Variants in UNC79 observed in about 807,000 individuals in gnomAD.
UNC79 encodes unc-79 subunit of NALCN channel complex.
Under a neutral mutation model 283.1 loss-of-function variants are expected in UNC79, and 37 were observed. The observed-to-expected ratio is 0.13, with a 90% CI of 0.10 to 0.17. UNC79 has a LOEUF of 0.17. Ranked by LOEUF, UNC79 falls within the 10% of genes least tolerant of loss-of-function variation. The pLI, the probability that UNC79 is intolerant of heterozygous loss-of-function variation, is 1.00. For missense variants in UNC79, 2,272 were observed against 3,211.1 expected, an observed-to-expected ratio of 0.71 and a Z score of 7.07; for synonymous variants, 1,107 against 1,200.2, an observed-to-expected ratio of 0.92 and a Z score of 1.61.
chr14:93,379,748 G>A (rs1290565810), intron 1 of UNC79, among the ~76,000 whole-genome samples: 1 of 151,928 alleles, frequency 6.6e-6, no homozygotes, highest in East Asian at 1.9e-4. Flanking sequence ...ACTACACATT[G>A]GGTACAGTGT....
intron 1 of UNC79, chr14:93,347,952 T>A (rs2053899035): frequency 9.2e-6 from 8 of 871,548 alleles, no homozygotes; most frequent in East Asian, 4.9e-5. Context: ...ATGTTTTTTT[T>A]AAGCACTTTT....
intron 20 of UNC79, among the ~76,000 whole-genome samples, chr14:93,583,080 G>A (rs964061674): frequency 1.8e-4 from 27 of 152,072 alleles, no homozygotes; most frequent in Non-Finnish European, 3.8e-4. Flanking sequence ...CCAGTACTTT[G>A]GGAGGCCAAG....
At chr14:93,337,260 G>T (rs953857247) in intron 1 of UNC79, among the ~76,000 whole-genome samples, 1 of 152,240 alleles carries the variant, frequency 6.6e-6, no homozygotes, top group African/African-American at 2.4e-5. Flanking sequence ...TAGAGTCTAC[G>T]CACTTTGGGT....
chr14:93,334,938 G>A (rs930097671), intron 1 of UNC79: 2 of 152,184 alleles, frequency 1.3e-5, no homozygotes, highest in East Asian at 3.8e-4. Context: ...TTATGGAAAT[G>A]TTAAATAAGA....
intron 14 of UNC79, among the ~76,000 whole-genome samples, chr14:93,546,059 C>CA: frequency 1.3e-5 from 2 of 151,910 alleles, no homozygotes; most frequent in East Asian, 3.9e-4. Flanking sequence ...GTCAGACATG[C>CA]AAAAAAACAT....
chr14:93,614,675 A>G (rs190647703), intron 27 of UNC79, among the ~76,000 whole-genome samples: 1 of 150,626 alleles, frequency 6.6e-6, no homozygotes. Flanking sequence ...TTTTGGCTTC[A>G]GGTGGAGAGA....
intron 7 of UNC79, among the ~76,000 whole-genome samples, chr14:93,522,035 A>G (rs1487455229): frequency 6.6e-6 from 1 of 151,834 alleles, no homozygotes; most frequent in Non-Finnish European, 1.5e-5. Context: ...ATGAACTTAA[A>G]TTGATTATCT....
At chr14:93,624,229 C>G (rs2067366741) in intron 30 of UNC79, among the ~76,000 whole-genome samples, 1 of 152,176 alleles carries the variant, frequency 6.6e-6, no homozygotes, top group Non-Finnish European at 1.5e-5. Context: ...TAGGACAGAG[C>G]TGTCTACCTC....
chr14:93,587,888 A>G (rs2064333575), intron 22 of UNC79, among the ~76,000 whole-genome samples: 1 of 152,176 alleles, frequency 6.6e-6, no homozygotes. Context: ...ATGATGAATG[A>G]TGAAAGGCTC....
intron 1 of UNC79, among the ~76,000 whole-genome samples, chr14:93,366,518 T>C (rs772007209): frequency 5.9e-5 from 9 of 152,070 alleles, no homozygotes; most frequent in Non-Finnish European, 1.3e-4. Flanking sequence ...ACTTAATCCA[T>C]GTGTTTCCAT....
At chr14:93,435,646 A>G (rs1595474595) in intron 1 of UNC79, among the ~76,000 whole-genome samples, 1 of 152,166 alleles carries the variant, frequency 6.6e-6, no homozygotes, top group African/African-American at 2.4e-5. Flanking sequence ...TTCTTTTTAG[A>G]TCAGTCATTT....
At chr14:93,614,135 T>A (rs2066510676) in intron 27 of UNC79, among the ~76,000 whole-genome samples, 1 of 152,038 alleles carries the variant, frequency 6.6e-6, no homozygotes, top group Non-Finnish European at 1.5e-5. Flanking sequence ...CAATTTGCCA[T>A]TTTAACAGTT....
chr14:93,500,589 A>G (rs555027624), intron 7 of UNC79, among the ~76,000 whole-genome samples: 1 of 152,346 alleles, frequency 6.6e-6, no homozygotes, highest in Non-Finnish European at 1.5e-5. Flanking sequence ...AAGACAATCT[A>G]TGGACCAGGC....
At position 93,468,266 on chromosome 14, in the gene UNC79, G is replaced by A. The variant is rs535442090; in HGVS notation, c.143+475G>A. On this transcript the variant is annotated intron_variant, in intron 2 of 48. Coordinates refer to ENST00000555664, the Ensembl canonical transcript of UNC79. ...TCACATGTTCAACATGCTTTGCCTT[G>A]ATAATGAAATTCTATGAAGGACAAG... Among the ~76,000 whole-genome samples, 159 of 152,164 alleles carry A rather than the reference G, an allele frequency of 1.0e-3. 1 individual carries two copies. Among genetic ancestry groups the A allele is most frequent in the African/African-American group, 3.6e-3 (150 of 41,482 alleles).
intron 1 of UNC79, among the ~76,000 whole-genome samples, chr14:93,351,787 G>C (rs962492796): frequency 6.6e-6 from 1 of 152,204 alleles, no homozygotes; most frequent in Admixed American, 6.5e-5. Flanking sequence ...CAGGCAGGAA[G>C]ACATAGGAAG....
chr14:93,611,964 C>T (rs1429034602), intron 26 of UNC79, among the ~76,000 whole-genome samples: 1 of 152,076 alleles, frequency 6.6e-6, no homozygotes, highest in Non-Finnish European at 1.5e-5. Flanking sequence ...GGCAGAAGAA[C>T]AAAGAGAGAC....
At chr14:93,655,571 C>G (rs944720610) in intron 38 of UNC79, among the ~76,000 whole-genome samples, 164 bp downstream of exon 41, 3 of 148,326 alleles carry the variant, frequency 2.0e-5, no homozygotes, top group African/African-American at 7.5e-5. Flanking sequence ...TCTGTCTTCT[C>G]TTAGAGAATG....
intron 25 of UNC79, among the ~76,000 whole-genome samples, chr14:93,602,852 G>A (rs2065614071): frequency 6.6e-6 from 1 of 152,024 alleles, no homozygotes. Context: ...TATTGCCCAG[G>A]CTGGTCTCAA....
At position 93,614,611 on chromosome 14, in the gene UNC79, G is replaced by A. The variant is rs181930098; in HGVS notation, c.4041+1528G>A. Reference sequence around the variant, plus strand: ...TAGAATTACAGGCATGAGCCACGGCGCCCGGCCACTGTTTGTGTGTGTTTA... The same window carrying A: ...TAGAATTACAGGCATGAGCCACGGCACCCGGCCACTGTTTGTGTGTGTTTA... On this transcript the variant is annotated intron_variant, in intron 27 of 48. Coordinates refer to ENST00000555664, the Ensembl canonical transcript of UNC79. Among the ~76,000 whole-genome samples, 1,477 of 149,988 alleles carry A rather than the reference G, an allele frequency of 9.8e-3. 12 individuals carry two copies. Among genetic ancestry groups the A allele is most frequent in the South Asian group, 0.041 (197 of 4,752 alleles).
Sources: gnomAD v4.1 joint callset for allele counts (sites outside exome capture counted in the v4.1 genomes callset) on GRCh38, gnomAD v4.1.1 for gene constraint, MANE v1.5 for transcripts, NCBI Gene and HGNC (gene_info 2026-07-23, HGNC 2026-07-21) for gene names.